RALGPS1: variants seen among roughly 807,000 people sequenced by gnomAD.
RALGPS1 encodes the protein Ral GEF with PH domain and SH3 binding motif 1.
Under a neutral mutation model 78.8 loss-of-function variants are expected in RALGPS1, and 19 were observed. The observed-to-expected ratio is 0.24, with a 90% CI of 0.17 to 0.35. RALGPS1 has a LOEUF of 0.35. RALGPS1 is among the 10% of genes least tolerant of loss of function. The pLI, the probability that RALGPS1 is intolerant of heterozygous loss-of-function variation, is 1.00. For missense variants in RALGPS1, 454 were observed against 688.3 expected (o/e 0.66, Z 3.81); for synonymous variants, 228 against 256.3 (o/e 0.89, Z 1.06).
chr9:127,002,139 A>C (rs1241538823), intron 4 of RALGPS1, among the ~76,000 whole-genome samples: 1 of 152,194 alleles, frequency 6.6e-6, no homozygotes, highest in Non-Finnish European at 1.5e-5. Flanking sequence ...CAAGTCATCA[A>C]CTATGTACAA....
intron 7 of RALGPS1, 27 bp from the exon 8 acceptor site, chr9:127,069,203 T>C (rs1206121828): frequency 1.9e-6 from 3 of 1,576,800 alleles, no homozygotes; most frequent in African/African-American, 2.7e-5. Flanking sequence ...GGTTTACTTA[T>C]TTTGCTATAT....
intron 10 of RALGPS1, among the ~76,000 whole-genome samples, chr9:127,172,167 A>C (rs2059598101): frequency 6.6e-6 from 1 of 152,200 alleles, no homozygotes; most frequent in African/African-American, 2.4e-5. Flanking sequence ...AAGTGCTCAC[A>C]GGGCCCGCAT....
chr9:127,158,630 A>T (rs1466052196), intron 8 of RALGPS1, among the ~76,000 whole-genome samples: 4 of 152,212 alleles, frequency 2.6e-5, no homozygotes, highest in South Asian at 4.2e-4. Flanking sequence ...TTGATTTTTT[A>T]AAAATTCATT....
At chr9:126,936,361 G>A (rs2036259270) in intron 1 of RALGPS1, among the ~76,000 whole-genome samples, 1 of 152,170 alleles carries the variant, frequency 6.6e-6, no homozygotes, top group African/African-American at 2.4e-5. Flanking sequence ...CTTCCAAAGC[G>A]AGGAGATTAA....
chr9:126,964,547 TA>T (rs2039257910), intron 2 of RALGPS1, among the ~76,000 whole-genome samples: 1 of 151,430 alleles, frequency 6.6e-6, no homozygotes, highest in Non-Finnish European at 1.5e-5. Context: ...TGAGACTCAG[TA>T]AAACGAAGTT....
intron 2 of RALGPS1, among the ~76,000 whole-genome samples, chr9:126,965,505 T>G: frequency 6.6e-6 from 1 of 152,154 alleles, no homozygotes; most frequent in African/African-American, 2.4e-5. Context: ...ACTGAAGGTA[T>G]GTGTTTTGGG....
chr9:127,022,673 C>T (rs2061913576), intron 4 of RALGPS1, among the ~76,000 whole-genome samples: 1 of 152,050 alleles, frequency 6.6e-6, no homozygotes, highest in African/African-American at 2.4e-5. Context: ...TCATGGTGTT[C>T]CTGAATCAGG....
At chr9:127,015,091 G>T (rs2044697162) in intron 4 of RALGPS1, among the ~76,000 whole-genome samples, 1 of 152,082 alleles carries the variant, frequency 6.6e-6, no homozygotes. Context: ...CTGTCTTTTT[G>T]TTCCTTTTAT....
At chr9:126,979,659 C>G (rs2041057142) in intron 4 of RALGPS1, among the ~76,000 whole-genome samples, 1 of 152,222 alleles carries the variant, frequency 6.6e-6, no homozygotes, top group South Asian at 2.1e-4. Flanking sequence ...GGGCTTCTTC[C>G]TCTTCAGAGG....
At chr9:127,031,913 A>G (rs1263138968) in intron 4 of RALGPS1, among the ~76,000 whole-genome samples, 1 of 152,234 alleles carries the variant, frequency 6.6e-6, no homozygotes, top group Non-Finnish European at 1.5e-5. Flanking sequence ...TTAAGTACCA[A>G]CTGGTTCTTG....
chr9:126,999,814 G>A lies in RALGPS1; in HGVS notation c.216+22069G>A, dbSNP rs556582416. Among the ~76,000 whole-genome samples, 23 of 152,312 alleles carry A rather than the reference G, an allele frequency of 1.5e-4. No individual in the cohort carries two copies. The South Asian group carries it at 4.1e-3, about 27-fold the overall frequency. ...TATGCAGATTTCTGTGTGAACACAA[G>A]TTTTCAACCCATTTGGGTAAATACC... On this transcript the variant is annotated intron_variant, in intron 4 of 18. Coordinates refer to ENST00000259351, the MANE Select transcript of RALGPS1 (RefSeq NM_014636.3).
intron 4 of RALGPS1, among the ~76,000 whole-genome samples, chr9:127,001,896 A>G (rs932685570): frequency 2.0e-5 from 3 of 152,122 alleles, no homozygotes; most frequent in African/African-American, 7.2e-5. Context: ...AAAATAAAAA[A>G]TAAAAATAAA....
At chr9:127,093,682 G>A (rs1224224381) in intron 8 of RALGPS1, 1 of 1,600,558 alleles carries the variant, frequency 6.2e-7, no homozygotes, top group African/African-American at 1.3e-5. Context: ...CCTCTCTTGG[G>A]GTGGGCCAGT....
chr9:127,108,063 C>A (rs762828081), intron 8 of RALGPS1: 3 of 1,610,878 alleles, frequency 1.9e-6, no homozygotes. Flanking sequence ...GTTGGTAGAC[C>A]CGGGGCGGGG....
At chr9:126,993,927 T>G (rs1448865664) in intron 4 of RALGPS1, among the ~76,000 whole-genome samples, 3 of 151,990 alleles carry the variant, frequency 2.0e-5, no homozygotes, top group African/African-American at 7.3e-5. Context: ...GGGTCTGGAG[T>G]GGACCTCTAG....
At chr9:127,044,344 C>T (rs1387746378) in intron 5 of RALGPS1, among the ~76,000 whole-genome samples, 1 of 152,080 alleles carries the variant, frequency 6.6e-6, no homozygotes, top group Non-Finnish European at 1.5e-5. Flanking sequence ...GCATCCTCCG[C>T]CTCCTGGGTT....
chr9:127,055,635 G>A (rs2048678424), intron 7 of RALGPS1, among the ~76,000 whole-genome samples: 1 of 152,188 alleles, frequency 6.6e-6, no homozygotes, highest in South Asian at 2.1e-4. Flanking sequence ...AGTGGTTTAT[G>A]CAGGGTCCCA....
chr9:126,933,165 G>A (rs1320917333), intron 1 of RALGPS1, among the ~76,000 whole-genome samples: 1 of 152,196 alleles, frequency 6.6e-6, no homozygotes, highest in East Asian at 1.9e-4. Flanking sequence ...GAGCCAGCAG[G>A]GGAGGCCAGA....
chr9:127,046,744 G>A (rs2047824510), intron 5 of RALGPS1, among the ~76,000 whole-genome samples: 1 of 151,702 alleles, frequency 6.6e-6, no homozygotes, highest in African/African-American at 2.4e-5. Context: ...ACAGGCTGAG[G>A]TGGGAGGATA....
Sources: gnomAD v4.1 joint callset for allele counts (sites outside exome capture counted in the v4.1 genomes callset) on GRCh38, gnomAD v4.1.1 for gene constraint, MANE v1.5 for transcripts, NCBI Gene and HGNC (gene_info 2026-07-23, HGNC 2026-07-21) for gene names.